The following HSPA4 variants were observed in gnomAD, a reference collection of about 807,000 sequenced individuals.
The protein encoded by HSPA4 is heat shock 70 kDa protein 4.
In HSPA4, 25 loss-of-function variants were observed where a neutral mutation model predicts 106.2. The observed-to-expected ratio is 0.24, with a 90% CI of 0.17 to 0.33. The LOEUF (loss-of-function observed/expected upper bound fraction) is 0.33. Ranked by LOEUF, HSPA4 falls within the 10% of genes least tolerant of loss-of-function variation. The probability of loss-of-function intolerance (pLI) is 1.00; values close to 1 mark genes in which losing one functional copy is unlikely to be tolerated. For missense variants in HSPA4, 841 were observed against 996.0 expected (o/e 0.84, Z 2.10); for synonymous variants, 332 against 333.6 (o/e 1.00, Z 0.05).
chr5:133,089,510 A>AATTT, intron 10 of HSPA4, 52 bp from the exon 11 acceptor site: 1 of 1,555,384 alleles, frequency 6.4e-7, no homozygotes, highest in Non-Finnish European at 8.8e-7. Flanking sequence ...CACATGGGTA[A>AATTT]AAGTGTTAGG....
chr5:133,078,634 CCAAAAA>C (rs1320987445), intron 7 of HSPA4, among the ~76,000 whole-genome samples: 5 of 77,550 alleles, frequency 6.4e-5, no homozygotes, highest in African/African-American at 2.4e-4. Flanking sequence ...GACACTGTCT[CCAAAAA>C]AAAAAAAAAA....
intron 1 of HSPA4, among the ~76,000 whole-genome samples, chr5:133,062,490 G>A (rs1245886250): frequency 6.6e-6 from 1 of 152,108 alleles, no homozygotes; most frequent in Non-Finnish European, 1.5e-5. Context: ...GGAGGAAGTG[G>A]GTAAGATTGC....
At chr5:133,067,365 T>TA (rs11448270) in intron 2 of HSPA4, 52 bp from the exon 3 acceptor site, 290,552 of 1,335,656 alleles carry the variant, frequency 0.22, 16,719 homozygotes, top group South Asian at 0.24. Flanking sequence ...GCTGTTGAAA[T>TA]AAAAAAAAAA....
chr5:133,089,841 C>G (rs979678529), intron 11 of HSPA4, 146 bp downstream of exon 11: 2 of 511,282 alleles, frequency 3.9e-6, no homozygotes, highest in Admixed American at 7.1e-5. Context: ...TAGTGGGACC[C>G]TGTCTCCATT....
chr5:133,083,990 A>G (rs1485186655), intron 7 of HSPA4, among the ~76,000 whole-genome samples: 1 of 152,204 alleles, frequency 6.6e-6, no homozygotes, highest in Non-Finnish European at 1.5e-5. Flanking sequence ...ATATATTTTT[A>G]TATGACATAC....
intron 3 of HSPA4, among the ~76,000 whole-genome samples, chr5:133,068,434 G>T (rs369926848): frequency 4.4e-4 from 67 of 152,074 alleles, no homozygotes; most frequent in African/African-American, 1.5e-3. Flanking sequence ...ATCCATGAGG[G>T]GGGGTGGGGG....
intron 2 of HSPA4, 142 bp from the exon 3 acceptor site, chr5:133,067,275 A>G (rs1765319174): frequency 7.7e-6 from 5 of 651,442 alleles, no homozygotes; most frequent in Non-Finnish European, 1.0e-5. Flanking sequence ...GGCACCATTT[A>G]GAAAAGTTTA....
At chr5:133,076,485 T>C (rs1052021338) in intron 6 of HSPA4, among the ~76,000 whole-genome samples, 169 bp from the exon 7 acceptor site, 5 of 152,310 alleles carry the variant, frequency 3.3e-5, no homozygotes, top group Non-Finnish European at 7.3e-5. Flanking sequence ...AGTGCCTATT[T>C]TTACAGTGTG....
At chr5:133,077,172 A>G (rs573592650) in intron 7 of HSPA4, among the ~76,000 whole-genome samples, 5 of 152,238 alleles carry the variant, frequency 3.3e-5, no homozygotes, top group Non-Finnish European at 7.3e-5. Flanking sequence ...TTCAGTTTCC[A>G]AAAAATCAGG....
intron 15 of HSPA4, 21 bp downstream of exon 15, chr5:133,097,307 C>G (rs754218034): frequency 4.4e-6 from 7 of 1,605,544 alleles, no homozygotes; most frequent in South Asian, 1.1e-5. Context: ...CACAATATGC[C>G]TAACTACTGT....
At chr5:133,092,597 C>T (rs1452943860) in intron 12 of HSPA4, 103 bp from the exon 13 acceptor site, 2 of 790,580 alleles carry the variant, frequency 2.5e-6, no homozygotes, top group Non-Finnish European at 2.2e-6. Flanking sequence ...CTTCTGATTG[C>T]TGGTAATTCA....
intron 1 of HSPA4, among the ~76,000 whole-genome samples, chr5:133,062,888 G>A (rs1376927512): frequency 6.6e-6 from 1 of 152,054 alleles, no homozygotes; most frequent in Non-Finnish European, 1.5e-5. Flanking sequence ...GTTTCCACAG[G>A]GCTCTTAAGT....
Position 133,097,299 on chromosome 5 carries a change from C to T in HSPA4, c.1929+13C>T, listed in dbSNP as rs1396554702. On this transcript the variant is annotated intron_variant, in intron 15 of 18. Coordinates refer to ENST00000304858, the MANE Select transcript of HSPA4 (RefSeq NM_002154.4). ...TGTGAGTGAAGATGTAAGTCTGCCA[C>T]AATATGCCTAACTACTGTGTGTCTT... is the stretch of plus-strand genomic sequence containing the variant. 1.6e-5 allele frequency: 25 copies of T among 1,609,374 alleles called. No individual in the cohort carries two copies. Among genetic ancestry groups the T allele is most frequent in the Non-Finnish European group, 2.0e-5 (24 of 1,176,572 alleles).
chr5:133,058,226 T>C (rs1765191934), intron 1 of HSPA4, among the ~76,000 whole-genome samples: 1 of 152,120 alleles, frequency 6.6e-6, no homozygotes, highest in African/African-American at 2.4e-5. Flanking sequence ...ACTCTGTCTC[T>C]ATAAAAAATT....
intron 11 of HSPA4, 56 bp downstream of exon 11, chr5:133,089,751 C>A (rs1765622310): frequency 6.7e-6 from 9 of 1,334,492 alleles, no homozygotes; most frequent in African/African-American, 1.5e-5. Context: ...CAGTGGCTCA[C>A]AACTGTAATC....
In HSPA4 at chr5:133,103,996, C is replaced by G; in HGVS notation, c.2289C>G (p.Val763=). The change falls in exon 18 of 19, where the codon GTC becomes GTG. Residue 763 remains valine (V), a synonymous_variant. Transcript: ENST00000304858. ...NKQSLTMDPV[V]KSKEIEAKIK... ...AGAGTTTGACCATGGATCCAGTTGT[C>G]AAGTCAAAAGAGATTGAAGCTAAAA... 6.2e-7 allele frequency: 1 copy of G among 1,612,916 alleles called. No individual in the cohort carries two copies.
intron 3 of HSPA4, among the ~76,000 whole-genome samples, chr5:133,069,698 A>G (rs1765357192): frequency 6.6e-6 from 1 of 152,280 alleles, no homozygotes; most frequent in Admixed American, 6.5e-5. Flanking sequence ...CAGTAAACAC[A>G]TTAAAATACA....
intron 1 of HSPA4, among the ~76,000 whole-genome samples, chr5:133,057,360 C>CTTTT (rs74273264): frequency 5.7e-5 from 8 of 139,502 alleles, no homozygotes; most frequent in African/African-American, 1.1e-4. Context: ...TTCTGCGTAC[C>CTTTT]TTTTTTTTTT....
intron 4 of HSPA4, among the ~76,000 whole-genome samples, chr5:133,072,399 T>TG (rs1561579050): frequency 1.1e-3 from 154 of 137,168 alleles, no homozygotes; most frequent in African/African-American, 4.1e-3. Context: ...GTTGTTTTTT[T>TG]TTTTTTTTTT....
Sources: allele counts gnomAD v4.1 joint callset (sites outside exome capture counted in the v4.1 genomes callset), GRCh38; gene constraint gnomAD v4.1.1; transcripts MANE v1.5; gene names NCBI Gene and HGNC (gene_info 2026-07-23, HGNC 2026-07-21).